Variants in OR4K2 observed in about 807,000 individuals in gnomAD.
OR4K2 encodes the protein olfactory receptor 4K2.
Under a neutral mutation model 10.5 loss-of-function variants are expected in OR4K2, and 8 were observed. The observed-to-expected ratio is 0.76, with a 90% confidence interval of 0.45 to 1.37. The LOEUF (loss-of-function observed/expected upper bound fraction) is 1.37. Among genes scored for constraint, OR4K2 ranks in the 40% most tolerant of loss-of-function variants. OR4K2 has a pLI of 0.00. For missense variants in OR4K2, 547 were observed against 379.5 expected, an observed-to-expected ratio of 1.44 and a Z score of -3.67; for synonymous variants, 178 against 133.6, an observed-to-expected ratio of 1.33 and a Z score of -2.29.
In OR4K2 at chr14:19,881,004, G is replaced by A. The variant is rs1039608862; in HGVS notation, c.*3792G>A. 2 of 142,514 alleles carry A rather than the reference G, an allele frequency of 1.4e-5. No individual in the cohort carries two copies. The highest frequency in any genetic ancestry group is 7.3e-5 in the Admixed American group (1 of 13,686). 8.8% of individuals were successfully genotyped at this position (142,514 alleles called of 1,614,324 possible). A position where few individuals can be genotyped will look rare whatever the true frequency, so the allele number is the denominator to read the frequency against. ...AAATGCTGTTATTTGTGCATATCCA[G>A]ACTCCTTATGAAAGTATTTTCAAAT... is the stretch of plus-strand genomic sequence containing the variant. On this transcript the variant is annotated 3_prime_UTR_variant, in exon 2 of 2. Transcript: ENST00000641885.
rs1469186246 is a variant in OR4K2 at position 19,877,132 on chromosome 14, T to C, written c.865T>C (p.Leu289=). The change falls in exon 2 of 2, where the codon TTG becomes CTG. Residue 289 remains leucine, a synonymous_variant. Coordinates refer to ENST00000641885, the MANE Select transcript of OR4K2 (RefSeq NM_001005501.2). ...TPTLNPIIYT[L]RNQEVKIAMR... ...CACTCTGAACCCAATAATCTATACT[T>C]TGAGGAATCAAGAAGTAAAGATAGC... The C allele has an allele frequency of 6.2e-7, 1 of 1,605,152 alleles. No individual in the cohort carries two copies. The highest frequency in any genetic ancestry group is 1.3e-5 in the African/African-American group (1 of 74,924).
At position 19,881,527 on chromosome 14, in the gene OR4K2, C is replaced by T. The variant is rs781526737; in HGVS notation, c.*4315C>T. On this transcript the variant is annotated 3_prime_UTR_variant, in exon 2 of 2. Transcript: ENST00000641885. ...AAAACAAACAAATAAATTCCAATAT[C>T]TAGTATGCACTAAAATACTATAGTT... 2.6e-5 allele frequency: 4 copies of T among 151,774 alleles called. No homozygotes were observed. Among genetic ancestry groups the T allele is most frequent in the Non-Finnish European group, 4.4e-5 (3 of 67,988 alleles). The allele number at this position is 151,774 out of a possible 1,614,324, so 9.4% of individuals were successfully genotyped here. A position where few individuals can be genotyped will look rare whatever the true frequency, so the allele number is the denominator to read the frequency against.
Position 19,876,561 on chromosome 14 carries a change from T to C in OR4K2, c.294T>C (p.Leu98=). ...GHKTISFDGC[L]TQIFFLHLFT... is the part of the protein sequence containing the mutation. ...AAACCATCTCTTTTGATGGCTGCCT[T>C]ACCCAGATATTCTTTCTCCACCTTT... Residue 98 remains leucine (L), a synonymous_variant, in exon 2 of 2, where the codon CTT becomes CTC. Transcript: ENST00000641885. 1 of 1,614,206 alleles carries C rather than the reference T, an allele frequency of 6.2e-7. No homozygotes were observed. The highest frequency in any genetic ancestry group is 8.5e-7 in the Non-Finnish European group (1 of 1,180,010).
Position 19,879,983 on chromosome 14 carries a change from A to T in OR4K2, c.*2771A>T, listed in dbSNP as rs763463349. 5.9e-5 allele frequency: 9 copies of T among 152,294 alleles called. No individual in the cohort carries two copies. Among genetic ancestry groups the T allele is most frequent in the African/African-American group, 9.6e-5 (4 of 41,476 alleles). 9.4% of individuals were successfully genotyped at this position (152,294 alleles called of 1,614,324 possible). On this transcript the variant is annotated 3_prime_UTR_variant, in exon 2 of 2. Coordinates refer to ENST00000641885, the MANE Select transcript of OR4K2 (RefSeq NM_001005501.2). ...GTCCAACCCATGACCTGCAGGTTGC[A>T]TGCGGCTCAGGAGATGGCTTTAAAT... is the stretch of plus-strand genomic sequence containing the variant.
rs751437399 is a variant in OR4K2 at position 19,876,532 on chromosome 14, C to T, written c.265C>T (p.His89Tyr). 18 of 1,614,150 alleles carry T rather than the reference C, an allele frequency of 1.1e-5. No individual in the cohort carries two copies. Among genetic ancestry groups the T allele is most frequent in the Non-Finnish European group, 1.5e-5 (18 of 1,179,996 alleles). Residue 89 changes from histidine (H) to tyrosine (Y), a missense_variant, in exon 2 of 2, where the codon CAC (histidine) becomes TAC (tyrosine). Physicochemically the swap from His to Tyr is moderately conservative, Grantham distance 83. Coordinates refer to ENST00000641885, the MANE Select transcript of OR4K2 (RefSeq NM_001005501.2). The stretch of plus-strand genomic sequence containing the variant: ...GATGATTACAGATTACCTAACAGGT[C>T]ACAAAACCATCTCTTTTGATGGCTG... ...PKMITDYLTGHKTISFDGCLT... is the reference protein window; with the variant it reads ...PKMITDYLTGYKTISFDGCLT...
Position 19,883,009 on chromosome 14 carries a change from A to C in OR4K2, c.*5797A>C, listed in dbSNP as rs1160966938. 2.0e-5 allele frequency: 3 copies of C among 152,282 alleles called. No homozygotes were observed. The highest frequency in any genetic ancestry group is 7.3e-5 in the African/African-American group (3 of 41,352). 9.4% of individuals were successfully genotyped at this position (152,282 alleles called of 1,614,324 possible). A position where few individuals can be genotyped will look rare whatever the true frequency, so the allele number is the denominator to read the frequency against. On this transcript the variant is annotated 3_prime_UTR_variant, in exon 2 of 2. Transcript: ENST00000641885. ...CGCCCAGCTAATTTTTTGTATTTTT[A>C]GTAGAGAAGGGGTTATAATTTATCT... is the stretch of plus-strand genomic sequence containing the variant.
At position 19,880,243 on chromosome 14, in the gene OR4K2, T is replaced by C. The variant is rs1442534790; in HGVS notation, c.*3031T>C. 2.6e-5 allele frequency: 4 copies of C among 152,320 alleles called. No individual in the cohort carries two copies. Among genetic ancestry groups the C allele is most frequent in the Non-Finnish European group, 5.9e-5 (4 of 68,058 alleles). The allele number at this position is 152,320 out of a possible 1,614,324, so 9.4% of individuals were successfully genotyped here. ...AAAAGTCTTAGACTCTGGTATCTTTTTTTTTTTTAAACAGTGTTTAATACT... is the reference window on the plus strand; with the variant it reads ...AAAAGTCTTAGACTCTGGTATCTTTCTTTTTTTTAAACAGTGTTTAATACT... On this transcript the variant is annotated 3_prime_UTR_variant, in exon 2 of 2. Transcript: ENST00000641885.
At position 19,879,669 on chromosome 14, in the gene OR4K2, A is replaced by AGATAAAGT. The variant is rs1329730869; in HGVS notation, c.*2459_*2466dup. Reference sequence around the variant, plus strand: ...TTAAAAATCAGGTATAGATAAAAACAGATAAAGTGTAAATTTTAATATGTG... The same window carrying AGATAAAGT: ...TTAAAAATCAGGTATAGATAAAAACAGATAAAGTGATAAAGTGTAAATTTTAATATGTG... On this transcript the variant is annotated 3_prime_UTR_variant, in exon 2 of 2. Coordinates refer to ENST00000641885, the MANE Select transcript of OR4K2 (RefSeq NM_001005501.2). The AGATAAAGT allele has an allele frequency of 6.6e-6, 1 of 152,278 alleles. No homozygotes were observed. The highest frequency in any genetic ancestry group is 2.4e-5 in the African/African-American group (1 of 41,484). 9.4% of individuals were successfully genotyped at this position (152,278 alleles called of 1,614,324 possible). A position where few individuals can be genotyped will look rare whatever the true frequency, so the allele number is the denominator to read the frequency against.
At position 19,877,078 on chromosome 14, in the gene OR4K2, C is replaced by T. The variant is rs1880926553; in HGVS notation, c.811C>T (p.Leu271=). Residue 271 remains leucine (L), a synonymous_variant, in exon 2 of 2, where the codon CTG becomes TTG. Transcript: ENST00000641885. ...PLSSFLTDKI[L]SVFYTIFTPT... ...AAGCAGCTTTCTCACAGACAAGATTCTGTCTGTGTTTTATACCATCTTTAC... is the reference window on the plus strand; with the variant it reads ...AAGCAGCTTTCTCACAGACAAGATTTTGTCTGTGTTTTATACCATCTTTAC... 6.2e-7 allele frequency: 1 copy of T among 1,610,726 alleles called. No homozygotes were observed. The highest frequency in any genetic ancestry group is 8.5e-7 in the Non-Finnish European group (1 of 1,179,282).
Position 19,879,467 on chromosome 14 carries a change from G to A in OR4K2, c.*2255G>A, listed in dbSNP as rs962057595. On this transcript the variant is annotated 3_prime_UTR_variant, in exon 2 of 2. Coordinates refer to ENST00000641885, the MANE Select transcript of OR4K2 (RefSeq NM_001005501.2). The stretch of plus-strand genomic sequence containing the variant: ...AGAGACAGAGATAATGTTCTGCAGA[G>A]AATACAAGATAAGCAGGCAAGTATA... The A allele has an allele frequency of 2.0e-5, 3 of 152,368 alleles. No individual in the cohort carries two copies. Among genetic ancestry groups the A allele is most frequent in the African/African-American group, 7.2e-5 (3 of 41,580 alleles). 9.4% of individuals were successfully genotyped at this position (152,368 alleles called of 1,614,324 possible). A position where few individuals can be genotyped will look rare whatever the true frequency, so the allele number is the denominator to read the frequency against.
In OR4K2 at chr14:19,881,116, ATCC is replaced by A. The variant is rs1360676283; in HGVS notation, c.*3909_*3911del. ...AAAATTTGTTGAGAGAGTTGGAGTAATCCTCCTATTTCCCTATTCTTTCCCTGA... is the reference window on the plus strand; with the variant it reads ...AAAATTTGTTGAGAGAGTTGGAGTAATCCTATTTCCCTATTCTTTCCCTGA... On this transcript the variant is annotated 3_prime_UTR_variant, in exon 2 of 2. Transcript: ENST00000641885. The A allele has an allele frequency of 5.3e-5, 8 of 152,238 alleles. No homozygotes were observed. Among genetic ancestry groups the A allele is most frequent in the African/African-American group, 1.9e-4 (8 of 41,466 alleles). The allele number at this position is 152,238 out of a possible 1,614,324, so 9.4% of individuals were successfully genotyped here. A position where few individuals can be genotyped will look rare whatever the true frequency, so the allele number is the denominator to read the frequency against.
In OR4K2 at chr14:19,875,208, A is replaced by T. The variant is rs1409451469; in HGVS notation, c.-950A>T. 2 of 152,272 alleles carry T rather than the reference A, an allele frequency of 1.3e-5. No individual in the cohort carries two copies. The highest frequency in any genetic ancestry group is 2.9e-5 in the Non-Finnish European group (2 of 68,048). 9.4% of individuals were successfully genotyped at this position (152,272 alleles called of 1,614,324 possible). ...AATGATTCAACTAGGTCATTTATTT[A>T]TATTTTAAATTGCCTTCGATGCTCT... On this transcript the variant is annotated 5_prime_UTR_variant, in exon 1 of 2. Transcript: ENST00000641885.
Position 19,877,349 on chromosome 14 carries a change from T to C in OR4K2, c.*137T>C, listed in dbSNP as rs1880935869. On this transcript the variant is annotated 3_prime_UTR_variant, in exon 2 of 2. Coordinates refer to ENST00000641885, the MANE Select transcript of OR4K2 (RefSeq NM_001005501.2). ...TTGAAACTATTCTCATGAATGTGAATGTGTTCAAAATACATTTGAAATTTC... is the reference window on the plus strand; with the variant it reads ...TTGAAACTATTCTCATGAATGTGAACGTGTTCAAAATACATTTGAAATTTC... The C allele has an allele frequency of 1.5e-6, 1 of 650,892 alleles. No homozygotes were observed. 40.3% of individuals were successfully genotyped at this position (650,892 alleles called of 1,614,324 possible).
In OR4K2 at chr14:19,876,232, T is replaced by C. The variant is rs1566484132; in HGVS notation, c.-23-13T>C. The C allele has an allele frequency of 5.4e-6, 6 of 1,113,436 alleles. No individual in the cohort carries two copies. Among genetic ancestry groups the C allele is most frequent in the South Asian group, 2.4e-5 (1 of 41,576 alleles). The allele number at this position is 1,113,436 out of a possible 1,614,324, so 69.0% of individuals were successfully genotyped here. A position where few individuals can be genotyped will look rare whatever the true frequency, so the allele number is the denominator to read the frequency against. On this transcript the variant is annotated splice_polypyrimidine_tract_variant and intron_variant, in intron 1 of 1. Transcript: ENST00000641885. The stretch of plus-strand genomic sequence containing the variant: ...GACTTTCCTTTTTTTTTTTTTTTTT[T>C]TTCGTGATACAGGCTTCTGCCTATG...
rs1566486078 is a variant in OR4K2, at chr14:19,881,635, G to GGGCT, written c.*4426_*4429dup. The GGGCT allele has an allele frequency of 6.6e-6, 1 of 151,566 alleles. No homozygotes were observed. The highest frequency in any genetic ancestry group is 1.5e-5 in the Non-Finnish European group (1 of 67,948). The allele number at this position is 151,566 out of a possible 1,614,324, so 9.4% of individuals were successfully genotyped here. On this transcript the variant is annotated 3_prime_UTR_variant, in exon 2 of 2. Coordinates refer to ENST00000641885, the MANE Select transcript of OR4K2 (RefSeq NM_001005501.2). ...ATTTTTTAAATTAAAAAATGTTCTC[G>GGGCT]GGCTGGAGGCTCCAGGTTTTTTTCC...
chr14:19,877,251 G>A lies in OR4K2; in HGVS notation c.*39G>A, dbSNP rs373087706. The A allele has an allele frequency of 1.6e-3, 2,206 of 1,381,404 alleles. 3 individuals are homozygous for A. Among genetic ancestry groups the A allele is most frequent in the Non-Finnish European group, 1.9e-3 (1,942 of 1,012,350 alleles). 85.6% of individuals were successfully genotyped at this position (1,381,404 alleles called of 1,614,324 possible). ...GAACATTAGACACAATGCTGTGTTA[G>A]GCTTTTCTTTCTAGAGGGTTCTTAC... On this transcript the variant is annotated 3_prime_UTR_variant, in exon 2 of 2. Coordinates refer to ENST00000641885, the MANE Select transcript of OR4K2 (RefSeq NM_001005501.2).
rs1207619025 is a variant in OR4K2 at position 19,882,081 on chromosome 14, A to T, written c.*4869A>T. The T allele has an allele frequency of 6.6e-6, 1 of 152,298 alleles. No homozygotes were observed. The highest frequency in any genetic ancestry group is 1.5e-5 in the Non-Finnish European group (1 of 68,090). The allele number at this position is 152,298 out of a possible 1,614,324, so 9.4% of individuals were successfully genotyped here. ...GTGTTCCAGAGCACATTACCCCAGT[A>T]ATGTGATGTAAGGGCAAAAGGCAAA... On this transcript the variant is annotated 3_prime_UTR_variant, in exon 2 of 2. Coordinates refer to ENST00000641885, the MANE Select transcript of OR4K2 (RefSeq NM_001005501.2).
rs374783974 is a variant in OR4K2 at position 19,876,967 on chromosome 14, T to G, written c.700T>G (p.Ser234Ala). The G allele has an allele frequency of 6.2e-7, 1 of 1,613,932 alleles. No homozygotes were observed. The highest frequency in any genetic ancestry group is 1.3e-5 in the African/African-American group (1 of 74,934). The part of the protein sequence containing the change: ...TVKHHSSRGS[S>A]KALSTCTAHF... ...GAAGCATCATTCTTCCAGAGGATCA[T>G]CTAAGGCCCTTTCTACTTGTACAGC... The change falls in exon 2 of 2, where the codon TCT becomes GCT. Residue 234 changes from serine to alanine, a missense_variant. By Grantham distance (99) the Ser-to-Ala change is moderately conservative. Coordinates refer to ENST00000641885, the MANE Select transcript of OR4K2 (RefSeq NM_001005501.2).
chr14:19,882,646 C>T lies in OR4K2; in HGVS notation c.*5434C>T, dbSNP rs775839416. 6.6e-6 allele frequency: 1 copy of T among 152,150 alleles called. No homozygotes were observed. The highest frequency in any genetic ancestry group is 1.5e-5 in the Non-Finnish European group (1 of 68,042). The allele number at this position is 152,150 out of a possible 1,614,324, so 9.4% of individuals were successfully genotyped here. On this transcript the variant is annotated 3_prime_UTR_variant, in exon 2 of 2. Transcript: ENST00000641885. The stretch of plus-strand genomic sequence containing the variant: ...CTCTCCTCCAAAATTAACCATTACC[C>T]TGACTTAATAAATTATTTGCATTTC...
Sources: gnomAD v4.1 joint callset for allele counts on GRCh38, gnomAD v4.1.1 for gene constraint, MANE v1.5 for transcripts, NCBI Gene and HGNC (gene_info 2026-07-23, HGNC 2026-07-21) for gene names.